SCLT1: variants seen among roughly 807,000 people sequenced by gnomAD.
The protein encoded by SCLT1 is sodium channel-associated protein 1.
SCLT1 carries 78 observed loss-of-function variants against 112.8 expected under a neutral mutation model. That is an observed-to-expected ratio of 0.69 (90% confidence interval 0.58 to 0.83). SCLT1 has a LOEUF of 0.83. SCLT1 is among the 40% of genes least tolerant of loss of function. The probability of loss-of-function intolerance (pLI) is 0.00; values close to 1 mark genes in which losing one functional copy is unlikely to be tolerated. For missense variants in SCLT1, 747 were observed against 770.4 expected, an observed-to-expected ratio of 0.97 and a Z score of 0.36; for synonymous variants, 257 against 254.7, an observed-to-expected ratio of 1.01 and a Z score of -0.09.
intron 4 of SCLT1, among the ~76,000 whole-genome samples, chr4:128,875,824 T>C (rs766100206): frequency 1.3e-5 from 2 of 152,210 alleles, no homozygotes; most frequent in African/African-American, 2.4e-5. Flanking sequence ...GTATTTTTAA[T>C]ACAACCTTTA....
chr4:128,883,178 A>G (rs906137281), downstream of SCLT1, among the ~76,000 whole-genome samples: 1 of 149,192 alleles, frequency 6.7e-6, no homozygotes, highest in Admixed American at 6.7e-5. Flanking sequence ...AAAAAAAAAA[A>G]GTACATGCAG....
chr4:128,920,275 A>C (rs1341213514), intron 18 of SCLT1, among the ~76,000 whole-genome samples: 1 of 152,206 alleles, frequency 6.6e-6, no homozygotes, highest in Non-Finnish European at 1.5e-5. Flanking sequence ...TCACCACATA[A>C]ACAGAACTAA....
In SCLT1 at chr4:128,936,648, G is replaced by C. The variant is rs1472691191; in HGVS notation, c.1829+7C>G. 3.2e-6 allele frequency: 5 copies of C among 1,546,020 alleles called. 1 individual carries two copies. The South Asian group carries it at 4.7e-5, about 15-fold the overall frequency. On this transcript the variant is annotated splice_region_variant and intron_variant, in intron 18 of 20. Coordinates refer to ENST00000281142, the MANE Select transcript of SCLT1 (RefSeq NM_144643.4). ...AAAACATGTCAAACAACTAACAGTA[G>C]ACTTACTTTAGATTATTGATTCTAA...
intron 9 of SCLT1, among the ~76,000 whole-genome samples, chr4:128,981,030 T>C (rs890353474): frequency 2.6e-5 from 4 of 152,194 alleles, no homozygotes; most frequent in African/African-American, 7.2e-5. Flanking sequence ...AAGTATTTTT[T>C]TGAGCACCTG....
chr4:128,918,658 A>AAG (rs1735653478), intron 18 of SCLT1, among the ~76,000 whole-genome samples: 1 of 152,180 alleles, frequency 6.6e-6, no homozygotes, highest in African/African-American at 2.4e-5. Flanking sequence ...ATGAAGAAGC[A>AAG]AGACCCAACT....
In SCLT1 at chr4:128,888,725, C is replaced by A; in HGVS notation, c.1958G>T (p.Arg653Met). The change falls in exon 20 of 21, where the codon AGG (arginine) becomes ATG (methionine). Residue 653 changes from arginine (R) to methionine (M), a missense_variant. Physicochemically the swap from Arg to Met is moderately conservative, Grantham distance 91. Around this residue, in one of 2 missense-constraint regions of SCLT1, gnomAD observed 24 missense variants for 49.1 expected, o/e 0.49. Transcript: ENST00000281142. ...EHQEKANRLQRRLSQAEERAA... is the reference protein window; with the variant it reads ...EHQEKANRLQMRLSQAEERAA... ...TCTCTCTTCTGCCTGACTTAGACGC[C>A]TTTGAAGTCTGTTGGCTTTTTCTTG... 1.9e-6 allele frequency: 3 copies of A among 1,613,420 alleles called. No individual in the cohort carries two copies. The highest frequency in any genetic ancestry group is 2.5e-6 in the Non-Finnish European group (3 of 1,179,578).
Position 128,936,815 on chromosome 4 carries a change from G to A in SCLT1, c.1669C>T (p.Arg557Cys), listed in dbSNP as rs201434760. Reference sequence around the variant, plus strand: ...TCTCTCAATTGAACTTCAAATCCACGTTCCTTTATTGAAAATTCATGTTCC... The same window carrying A: ...TCTCTCAATTGAACTTCAAATCCACATTCCTTTATTGAAAATTCATGTTCC... ...TMEHEFSIKERGFEVQLREME... is the reference protein window; with the variant it reads ...TMEHEFSIKECGFEVQLREME... The change falls in exon 18 of 21, where the codon CGT (arginine) becomes TGT (cysteine). Residue 557 changes from arginine (R) to cysteine (C), a missense_variant. By Grantham distance (180) the Arg-to-Cys change is radical. Around this residue, in one of 2 missense-constraint regions of SCLT1, gnomAD observed 723 missense variants for 721.3 expected, o/e 1.00. Coordinates refer to ENST00000281142, the MANE Select transcript of SCLT1 (RefSeq NM_144643.4). 1.6e-5 allele frequency: 25 copies of A among 1,592,460 alleles called. No homozygotes were observed. The highest frequency in any genetic ancestry group is 4.5e-5 in the South Asian group (4 of 88,546).
chr4:128,994,598 C>A (rs1165785816), intron 8 of SCLT1, among the ~76,000 whole-genome samples: 1 of 152,048 alleles, frequency 6.6e-6, no homozygotes, highest in African/African-American at 2.4e-5. Context: ...ATACTGTGTT[C>A]CATGGCAGAT....
chr4:128,879,349 A>G (rs1183671991), downstream of SCLT1, among the ~76,000 whole-genome samples: 1 of 152,162 alleles, frequency 6.6e-6, no homozygotes, highest in Non-Finnish European at 1.5e-5. Context: ...AGTGAGTTCA[A>G]GCCTCCTGAC....
intron 18 of SCLT1, among the ~76,000 whole-genome samples, chr4:128,934,715 A>T (rs1737046373): frequency 6.6e-6 from 1 of 151,866 alleles, no homozygotes; most frequent in African/African-American, 2.4e-5. Context: ...TTGTCTAACA[A>T]TTATTTTGGG....
chr4:128,990,476 G>A (rs952824840), intron 9 of SCLT1, among the ~76,000 whole-genome samples: 1 of 151,828 alleles, frequency 6.6e-6, no homozygotes, highest in Admixed American at 6.6e-5. Flanking sequence ...ACAAACCCAC[G>A]GGTAATATCA....
intron 2 of SCLT1, among the ~76,000 whole-genome samples, chr4:129,045,848 G>A (rs1561009763): frequency 6.6e-6 from 1 of 152,014 alleles, no homozygotes; most frequent in Non-Finnish European, 1.5e-5. Context: ...TACCTACTAT[G>A]TGTAAGGGCC....
Position 129,025,566 on chromosome 4 carries a change from G to C in SCLT1, c.290+13475C>G, listed in dbSNP as rs1457513341. 4.6e-5 allele frequency among the ~76,000 whole-genome samples: 7 copies of C among 151,988 alleles called. No homozygotes were observed. In the South Asian group the frequency reaches 6.2e-4, roughly 14 times the overall value. Reference sequence around the variant, plus strand: ...TGAAGGAAGCACTAAACATGGAAAGGAACAACCGGTACCAGCCACTGCAAA... The same window carrying C: ...TGAAGGAAGCACTAAACATGGAAAGCAACAACCGGTACCAGCCACTGCAAA... On this transcript the variant is annotated intron_variant, in intron 5 of 20. Transcript: ENST00000281142.
chr4:128,946,228 A>T lies in SCLT1; in HGVS notation c.1294-76T>A, dbSNP rs534168250. The T allele has an allele frequency of 5.5e-6, 5 of 901,384 alleles. No homozygotes were observed. The South Asian group carries it at 1.0e-4, about 18-fold the overall frequency. 55.8% of individuals were successfully genotyped at this position (901,384 alleles called of 1,614,324 possible). A position where few individuals can be genotyped will look rare whatever the true frequency, so the allele number is the denominator to read the frequency against. On this transcript the variant is annotated intron_variant, in intron 15 of 20. Coordinates refer to ENST00000281142, the MANE Select transcript of SCLT1 (RefSeq NM_144643.4). ...ATAAACAGTTTAGAAACAGAAATCA[A>T]TGGAAGAAATAAAAAGCCATGATTA... is the stretch of plus-strand genomic sequence containing the variant.
chr4:128,939,936 T>G (rs1737538573), intron 17 of SCLT1, among the ~76,000 whole-genome samples: 1 of 152,186 alleles, frequency 6.6e-6, no homozygotes, highest in Non-Finnish European at 1.5e-5. Flanking sequence ...GCAATTTATC[T>G]TACAGCCTTC....
chr4:128,950,434 C>T (rs1483971201), intron 14 of SCLT1, among the ~76,000 whole-genome samples: 3 of 152,228 alleles, frequency 2.0e-5, no homozygotes, highest in South Asian at 2.1e-4. Context: ...AATTACCATA[C>T]TAATTCTAGT....
chr4:128,948,357 AAAG>A, intron 15 of SCLT1, 136 bp downstream of exon 15: 42 of 985,196 alleles, frequency 4.3e-5, no homozygotes, highest in South Asian at 1.7e-4. Context: ...AAAAAAAAAA[AAAG>A]AAAAGAAAAG....
At chr4:129,005,844 T>A (rs913960646) in intron 5 of SCLT1, among the ~76,000 whole-genome samples, 1 of 150,802 alleles carries the variant, frequency 6.6e-6, no homozygotes, top group Non-Finnish European at 1.5e-5. Flanking sequence ...CCATAAAAAA[T>A]GATGAGTTCA....
At chr4:128,957,989 C>T (rs1294410298) in intron 12 of SCLT1, among the ~76,000 whole-genome samples, 1 of 152,102 alleles carries the variant, frequency 6.6e-6, no homozygotes, top group East Asian at 1.9e-4. Context: ...CACTTCTTGT[C>T]CCCCTCTCTA....
Sources: gnomAD v4.1 joint callset for allele counts (sites outside exome capture counted in the v4.1 genomes callset) on GRCh38, gnomAD v4.1.1 for gene constraint, gnomAD v4.1.1 regional missense constraint, MANE v1.5 for transcripts, NCBI Gene and HGNC (gene_info 2026-07-23, HGNC 2026-07-21) for gene names.